The following ACOT11 variants were observed in gnomAD, a reference collection of about 807,000 sequenced individuals.
ACOT11 encodes acyl-coenzyme A thioesterase 11.
ACOT11 carries 69 observed loss-of-function variants against 77.5 expected under a neutral mutation model. The ratio of observed to expected loss-of-function variants is 0.89; its 90% CI spans 0.73 to 1.09. The LOEUF (loss-of-function observed/expected upper bound fraction) is 1.09. Among genes scored for constraint, ACOT11 ranks in the 50% least tolerant of loss-of-function variants. The probability of loss-of-function intolerance (pLI) is 0.00; values close to 1 mark genes in which losing one functional copy is unlikely to be tolerated. For missense variants in ACOT11, 766 were observed against 813.7 expected, an observed-to-expected ratio of 0.94 and a Z score of 0.71; for synonymous variants, 279 against 313.0, an observed-to-expected ratio of 0.89 and a Z score of 1.15.
chr1:54,584,708 G>A lies in ACOT11; in HGVS notation c.87G>A (p.Ala29=), dbSNP rs139402332. 3,997 of 1,614,156 alleles carry A rather than the reference G, an allele frequency of 2.5e-3. 14 individuals carry two copies. Among genetic ancestry groups the A allele is most frequent in the Non-Finnish European group, 3.1e-3 (3,629 of 1,180,024 alleles). The change falls in exon 2 of 16, where the codon GCG becomes GCA. Residue 29 remains alanine, a synonymous_variant. Coordinates refer to ENST00000343744, the MANE Select transcript of ACOT11 (RefSeq NM_147161.4). The surrounding 1 kb of genome is among the most constrained non-coding windows in gnomAD (Gnocchi z 6.3). ...CATCCCGGAAGTCAGCCTTACGTGCGGGGAACGACAGTGCCATGGCAGACG... is the reference window on the plus strand; with the variant it reads ...CATCCCGGAAGTCAGCCTTACGTGCAGGGAACGACAGTGCCATGGCAGACG... The part of the protein sequence containing the change: ...NRTSRKSALR[A]GNDSAMADGE...
At chr1:54,599,571 C>T (rs1475511394) in intron 8 of ACOT11, 156 bp downstream of exon 8, 1 of 912,790 alleles carries the variant, frequency 1.1e-6, no homozygotes. Flanking sequence ...AAATTCAGCT[C>T]TGATTTTCCC....
At chr1:54,581,872 C>T (rs1654321741) in intron 1 of ACOT11, among the ~76,000 whole-genome samples, 1 of 152,234 alleles carries the variant, frequency 6.6e-6, no homozygotes, top group Admixed American at 6.5e-5. Flanking sequence ...GACTGGCTGC[C>T]TGCCCACCTT....
chr1:54,632,298 G>A (rs1324058239), intron 16 of ACOT11, among the ~76,000 whole-genome samples: 1 of 152,196 alleles, frequency 6.6e-6, no homozygotes, highest in Non-Finnish European at 1.5e-5. Context: ...TCTGTCCCCT[G>A]CCACAGCCGG....
At chr1:54,563,264 G>T (rs558132634) in intron 1 of ACOT11, among the ~76,000 whole-genome samples, 14 of 152,364 alleles carry the variant, frequency 9.2e-5, no homozygotes, top group African/African-American at 3.4e-4. Context: ...TGGGATTATA[G>T]GTGTCAGCCA....
intron 1 of ACOT11, among the ~76,000 whole-genome samples, chr1:54,572,570 G>A (rs79556901): frequency 0.023 from 3,396 of 148,522 alleles, 104 homozygotes; most frequent in East Asian, 0.12. Context: ...GCTCCCCTGA[G>A]GGGGGGGGTC....
chr1:54,561,996 A>G (rs1653517972), intron 1 of ACOT11, among the ~76,000 whole-genome samples: 1 of 64,948 alleles, frequency 1.5e-5, no homozygotes, highest in East Asian at 4.9e-4. Context: ...GGCCGGGCAG[A>G]GGCGCCCCTC....
At chr1:54,612,548 T>A (rs1380669826), downstream of ACOT11, 2 of 1,614,040 alleles carry the variant, frequency 1.2e-6, no homozygotes, top group Non-Finnish European at 1.7e-6. Flanking sequence ...TGGAAGACCG[T>A]ACAGGGAAGG....
rs865870362 is a variant in ACOT11, at chr1:54,574,568, G to A, written c.34-10087G>A. 1.5e-4 allele frequency among the ~76,000 whole-genome samples: 23 copies of A among 152,272 alleles called. No individual in the cohort carries two copies. The Middle Eastern group carries it at 0.017, about 113-fold the overall frequency. On this transcript the variant is annotated intron_variant, in intron 1 of 15. Transcript: ENST00000343744. The stretch of plus-strand genomic sequence containing the variant: ...CCTCACAACAATCTACAAAGTATTT[G>A]GGATTCCCATTTTACAGATGAGGAA...
intron 16 of ACOT11, among the ~76,000 whole-genome samples, chr1:54,631,258 G>C (rs1293155031): frequency 6.6e-6 from 1 of 152,210 alleles, no homozygotes; most frequent in African/African-American, 2.4e-5. Context: ...GGGTGATTTA[G>C]AGGCTTGGCA....
chr1:54,554,352 T>TATATA lies in ACOT11; in HGVS notation c.33+6010_33+6011insATATA, dbSNP rs536616509. Among the ~76,000 whole-genome samples, 87 of 46,380 alleles carry TATATA rather than the reference T, an allele frequency of 1.9e-3. 2 individuals carry two copies. The highest frequency in any genetic ancestry group is 4.6e-3 in the East Asian group (7 of 1,536). The allele number at this position is 46,380 out of a possible 152,430, so 30.4% of individuals were successfully genotyped here. On this transcript the variant is annotated intron_variant, in intron 1 of 15. Transcript: ENST00000343744. ...GTGTGTGTATATATATATATATATATTTTTTTTTTTTTTTTTTGAGATGGA... is the reference window on the plus strand; with the variant it reads ...GTGTGTGTATATATATATATATATATATATATTTTTTTTTTTTTTTTTGAGATGGA...
At chr1:54,582,392 C>T in intron 1 of ACOT11, 2 of 974,916 alleles carry the variant, frequency 2.1e-6, no homozygotes, top group Non-Finnish European at 2.4e-6. Context: ...GTGCCAGGCC[C>T]CTCTAGGCCC....
intron 15 of ACOT11, chr1:54,623,686 T>C (rs1386218330): frequency 7.2e-6 from 2 of 279,456 alleles, no homozygotes; most frequent in Non-Finnish European, 1.3e-5. Flanking sequence ...GCAGAGAATG[T>C]TGGACCGAGC....
chr1:54,569,758 A>G (rs1403032844), intron 1 of ACOT11, among the ~76,000 whole-genome samples: 1 of 152,214 alleles, frequency 6.6e-6, no homozygotes, highest in African/African-American at 2.4e-5. Context: ...CCCAGCATGC[A>G]TACAACTTAA....
chr1:54,580,916 C>T (rs997067898), intron 1 of ACOT11, among the ~76,000 whole-genome samples: 4 of 152,146 alleles, frequency 2.6e-5, no homozygotes, highest in South Asian at 4.1e-4. Context: ...GGGAAGACAG[C>T]GGGAGTGAGA....
intron 3 of ACOT11, among the ~76,000 whole-genome samples, chr1:54,592,216 C>T (rs549823348): frequency 3.8e-4 from 58 of 152,168 alleles, no homozygotes; most frequent in African/African-American, 1.1e-3. Context: ...TGCAGGGCAG[C>T]GAGGGGTCCC....
At chr1:54,620,328 C>T (rs1328928865) in intron 15 of ACOT11, among the ~76,000 whole-genome samples, 1 of 152,214 alleles carries the variant, frequency 6.6e-6, no homozygotes, top group Non-Finnish European at 1.5e-5. Context: ...AGAGAGAAAG[C>T]AAAGGCTTGG....
exon 17 of ACOT11, chr1:54,634,995 C>T (rs183339781): frequency 2.7e-5 from 12 of 445,130 alleles, no homozygotes; most frequent in Admixed American, 2.0e-4. Flanking sequence ...AGTATTCCTT[C>T]AATAAGGGCT....
Position 54,587,511 on chromosome 1 carries a change from C to CCTCCATCT in ACOT11, c.311+1609_311+1616dup, listed in dbSNP as rs1246191031. On this transcript the variant is annotated intron_variant, in intron 3 of 15. Transcript: ENST00000343744. ...CTGCCAACCTGGGCAAGAGAGCGAG[C>CCTCCATCT]CTCCATCTCAAAAAAGAAAAAGGCT... 3.3e-5 allele frequency among the ~76,000 whole-genome samples: 5 copies of CCTCCATCT among 150,068 alleles called. No individual in the cohort carries two copies. The South Asian group carries it at 6.3e-4, about 19-fold the overall frequency.
At chr1:54,618,537 C>T (rs1358173003) in intron 15 of ACOT11, among the ~76,000 whole-genome samples, 2 of 152,064 alleles carry the variant, frequency 1.3e-5, no homozygotes, top group Non-Finnish European at 2.9e-5. Flanking sequence ...CTCTTTTCAC[C>T]TTAAAAATTG....
Sources: gnomAD v4.1 joint callset for allele counts (sites outside exome capture counted in the v4.1 genomes callset) on GRCh38, gnomAD v4.1.1 for gene constraint, Gnocchi (gnomAD v3.1) non-coding constraint, MANE v1.5 for transcripts, NCBI Gene and HGNC (gene_info 2026-07-23, HGNC 2026-07-21) for gene names.